Variants in LUC7L observed in about 807,000 individuals in gnomAD.
LUC7L encodes LUC7 like, also known as putative RNA-binding protein Luc7-like 1.
In LUC7L, 29 loss-of-function variants were observed where a neutral mutation model predicts 51.1. The ratio of observed to expected loss-of-function variants is 0.57; its 90% CI spans 0.42 to 0.77. The LOEUF is 0.77. Ranked by LOEUF, LUC7L falls within the 30% of genes least tolerant of loss-of-function variation. LUC7L has a pLI of 0.00. For synonymous variants in LUC7L, 181 were observed against 180.7 expected (o/e 1.00, Z -0.01); for missense variants, 403 against 511.9 (o/e 0.79, Z 2.05).
intron 5 of LUC7L, among the ~76,000 whole-genome samples, chr16:205,630 C>T (rs548643019): frequency 1.3e-5 from 2 of 152,318 alleles, no homozygotes; most frequent in African/African-American, 4.8e-5. Context: ...CGCTCTGTCG[C>T]CCAGGCTGGA....
At chr16:202,225 G>A (rs28882194) in intron 5 of LUC7L, among the ~76,000 whole-genome samples, 2,367 of 133,856 alleles carry the variant, frequency 0.018, 70 homozygotes, top group African/African-American at 0.056. Flanking sequence ...AGGGGAGTCA[G>A]CATATCACAT....
chr16:220,996 G>A (rs2049949697), intron 2 of LUC7L, among the ~76,000 whole-genome samples: 2 of 152,034 alleles, frequency 1.3e-5, no homozygotes. Flanking sequence ...AGAGATAATT[G>A]GACTGTAATC....
intron 8 of LUC7L, 138 bp downstream of exon 8, chr16:190,403 G>T: frequency 2.1e-6 from 2 of 945,246 alleles, no homozygotes; most frequent in Non-Finnish European, 3.3e-6. Flanking sequence ...ACGGCACCAA[G>T]CAACCTCTTG....
chr16:209,277 G>A (rs2049571947), intron 3 of LUC7L: 1 of 152,242 alleles, frequency 6.6e-6, no homozygotes, highest in East Asian at 1.9e-4. Context: ...GATCCATGAG[G>A]TCAGAGGTTC....
chr16:225,398 AT>A (rs1261478207), intron 2 of LUC7L, among the ~76,000 whole-genome samples: 1 of 148,436 alleles, frequency 6.7e-6, no homozygotes, highest in Non-Finnish European at 1.5e-5. Flanking sequence ...AGGCAAGAGA[AT>A]GGCTTGAACC....
At chr16:198,278 C>CAAA (rs35125597) in intron 6 of LUC7L, among the ~76,000 whole-genome samples, 23 of 49,254 alleles carry the variant, frequency 4.7e-4, no homozygotes, top group South Asian at 1.4e-3. Flanking sequence ...GACTCCATCT[C>CAAA]AAAAAAAAAA....
chr16:229,145 C>G (rs1271051935), intron 1 of LUC7L, 134 bp downstream of exon 1: 1 of 1,412,336 alleles, frequency 7.1e-7, no homozygotes, highest in African/African-American at 1.5e-5. Flanking sequence ...CGCCTGCGGT[C>G]GGAGCGCGGG....
chr16:208,362 AG>A (rs2049545663), intron 3 of LUC7L, 174 bp from the exon 4 acceptor site: 1 of 548,246 alleles, frequency 1.8e-6, no homozygotes, highest in Admixed American at 4.1e-5. Context: ...CATTAAATCA[AG>A]GGGATCTGTT....
chr16:207,505 C>T (rs1053506996), intron 4 of LUC7L, among the ~76,000 whole-genome samples: 97 of 152,204 alleles, frequency 6.4e-4, no homozygotes, highest in Non-Finnish European at 4.3e-4. Flanking sequence ...CAAGCATAAG[C>T]CACCAAACTC....
Position 190,061 on chromosome 16 carries a change from C to T in LUC7L, c.881G>A (p.Arg294Gln), listed in dbSNP as rs774775495. The T allele has an allele frequency of 1.9e-5, 30 of 1,613,544 alleles. No individual in the cohort carries two copies. In the Admixed American group the frequency reaches 3.0e-4, roughly 16 times the overall value. The part of the protein sequence containing the change: ...SRERRKLSRS[R>Q]SRDRHRRHRS... ...GTGGCGCCGATGTCTATCTCGGGAC[C>T]GGGACCGGGACAATTTCCGTCGCTC... Residue 294 changes from arginine to glutamine, a missense_variant, in exon 9 of 10, where the codon CGG becomes CAG. Transcript: ENST00000293872.
At chr16:221,193 T>TC (rs1183642291) in intron 2 of LUC7L, among the ~76,000 whole-genome samples, 1 of 49,828 alleles carries the variant, frequency 2.0e-5, no homozygotes, top group Non-Finnish European at 4.9e-5. Flanking sequence ...CTAATTTTTT[T>TC]TTTTTTTTTT....
At chr16:227,133 T>C (rs988902161) in intron 2 of LUC7L, 109 bp downstream of exon 2, 2 of 813,076 alleles carry the variant, frequency 2.5e-6, no homozygotes, top group African/African-American at 3.5e-5. Flanking sequence ...TTAAGCCACT[T>C]AGAGAAAAAG....
chr16:190,572 T>C lies in LUC7L; in HGVS notation c.777-2A>G. 6.2e-7 allele frequency: 1 copy of C among 1,612,980 alleles called. No individual in the cohort carries two copies. Among genetic ancestry groups the C allele is most frequent in the South Asian group, 1.1e-5 (1 of 91,034 alleles). ...CGATCTCTGGTTCTTGATCCCGACC[T>C]AAAAGGGGGAAAAAAAGATGAACAA... is the stretch of plus-strand genomic sequence containing the variant. On this transcript the variant is annotated splice_acceptor_variant, in intron 7 of 9. Transcript: ENST00000293872. LOFTEE classifies it high-confidence loss of function.
At chr16:202,263 A>G (rs2049355653) in intron 5 of LUC7L, among the ~76,000 whole-genome samples, 1 of 152,018 alleles carries the variant, frequency 6.6e-6, no homozygotes, top group Non-Finnish European at 1.5e-5. Context: ...GACAGAGAGA[A>G]GGACCTAGGC....
At chr16:228,512 T>A (rs2050182835) in intron 1 of LUC7L, 1 of 1,224,432 alleles carries the variant, frequency 8.2e-7, no homozygotes, top group Non-Finnish European at 1.1e-6. Context: ...AAGCACTTAT[T>A]CACCTATGAA....
chr16:209,645 G>A (rs1170079039), intron 3 of LUC7L: 2 of 152,136 alleles, frequency 1.3e-5, no homozygotes, highest in African/African-American at 4.8e-5. Context: ...AGGTTAGATA[G>A]CATGATCTTT....
chr16:225,731 C>T (rs539710553), intron 2 of LUC7L, among the ~76,000 whole-genome samples: 3 of 151,368 alleles, frequency 2.0e-5, no homozygotes, highest in African/African-American at 7.3e-5. Flanking sequence ...GTGATCCACC[C>T]GCCTCGGCCT....
At chr16:198,525 C>G (rs2049226782) in intron 6 of LUC7L, among the ~76,000 whole-genome samples, 1 of 152,192 alleles carries the variant, frequency 6.6e-6, no homozygotes, top group South Asian at 2.1e-4. Flanking sequence ...TGTATGTATT[C>G]TGGGAACAGG....
At chr16:228,929 G>A (rs1274133858) in intron 1 of LUC7L, 3 of 1,379,550 alleles carry the variant, frequency 2.2e-6, no homozygotes, top group African/African-American at 1.4e-5. Context: ...GGCTGCCAGC[G>A]ACCTGGAGCC....
Sources: gnomAD v4.1 joint callset for allele counts (sites outside exome capture counted in the v4.1 genomes callset) on GRCh38, gnomAD v4.1.1 for gene constraint, MANE v1.5 for transcripts, NCBI Gene and HGNC (gene_info 2026-07-23, HGNC 2026-07-21) for gene names.